The following BRCA2 variants were observed in gnomAD, a reference collection of about 807,000 sequenced individuals.
BRCA2 encodes the protein BRCA2 DNA repair associated.
In BRCA2, 203 loss-of-function variants were observed where a neutral mutation model predicts 276.7. That is an observed-to-expected ratio of 0.73 (90% CI 0.65 to 0.82). The LOEUF (loss-of-function observed/expected upper bound fraction) is 0.82. BRCA2 is among the 40% of genes least tolerant of loss of function. The pLI, the probability that BRCA2 is intolerant of heterozygous loss-of-function variation, is 0.00. For synonymous variants in BRCA2, 1,289 were observed against 1,338.4 expected (o/e 0.96, Z 0.81); for missense variants, 3,920 against 3,915.0 (o/e 1.00, Z -0.03).
In BRCA2 at chr13:32,398,462, C is replaced by T. The variant is rs777488349; in HGVS notation, c.9949C>T (p.Leu3317=). Residue 3317 remains leucine, a synonymous_variant, in exon 27 of 27, where the codon CTG becomes TTG. Transcript: ENST00000380152. ...CGAAACACCCATAAAGAAAAAAGAACTGAATTCTCCTCAGATGACTCCATT... is the reference window on the plus strand; with the variant it reads ...CGAAACACCCATAAAGAAAAAAGAATTGAATTCTCCTCAGATGACTCCATT... ...KYETPIKKKE[L]NSPQMTPFKK... is the part of the protein sequence containing the mutation. The T allele has an allele frequency of 1.1e-5, 17 of 1,614,032 alleles. No individual in the cohort carries two copies. In the African/African-American group the frequency reaches 2.0e-4, roughly 19 times the overall value.
intron 24 of BRCA2, among the ~76,000 whole-genome samples, chr13:32,386,573 C>T (rs2072962347): frequency 1.1e-5 from 1 of 93,312 alleles, no homozygotes; most frequent in South Asian, 3.4e-4. Flanking sequence ...TAAGAAAAAC[C>T]ATTTGTATGA....
intron 24 of BRCA2, among the ~76,000 whole-genome samples, chr13:32,383,215 C>T (rs1271874179): frequency 6.7e-6 from 1 of 148,206 alleles, no homozygotes; most frequent in African/African-American, 2.5e-5. Flanking sequence ...AAAAAATTAG[C>T]CGGGTGTGGT....
chr13:32,354,252 TGA>T lies in BRCA2; in HGVS notation c.7008-605_7008-604del, dbSNP rs2072671491. ...AGTTTCTGTAGAGTAGTGGGAGAAATGAGAGTTTATTGAGTAGAGATTGAGGA... is the reference window on the plus strand; with the variant it reads ...AGTTTCTGTAGAGTAGTGGGAGAAATGAGTTTATTGAGTAGAGATTGAGGA... On this transcript the variant is annotated intron_variant, in intron 13 of 26. Transcript: ENST00000380152. Among the ~76,000 whole-genome samples the T allele has an allele frequency of 2.0e-5, 3 of 152,126 alleles. No individual in the cohort carries two copies. In the South Asian group the frequency reaches 6.2e-4, roughly 32 times the overall value.
rs769883812 is a variant in BRCA2 at position 32,340,588 on chromosome 13, G to T, written c.6233G>T (p.Gly2078Val). The change falls in exon 11 of 27, where the codon GGA becomes GTA. Residue 2078 changes from glycine to valine, a missense_variant. By Grantham distance (109) the Gly-to-Val change is moderately radical. Coordinates refer to ENST00000380152, the MANE Select transcript of BRCA2 (RefSeq NM_000059.4). Reference protein sequence around the residue: ...ILESSLHKVKGVLEEFDLIRT... With the variant: ...ILESSLHKVKVVLEEFDLIRT... ...GAAAGTTCCTTACACAAAGTTAAGG[G>T]AGTGTTAGAGGAATTTGATTTAATC... The T allele has an allele frequency of 4.3e-6, 7 of 1,610,278 alleles. No homozygotes were observed. Among genetic ancestry groups the T allele is most frequent in the Non-Finnish European group, 5.9e-6 (7 of 1,178,070 alleles).
chr13:32,335,213 C>T (rs187640357), intron 10 of BRCA2, among the ~76,000 whole-genome samples: 199 of 152,126 alleles, frequency 1.3e-3, no homozygotes, highest in African/African-American at 4.7e-3. Context: ...GATGTGGTGG[C>T]ATGTGCCTGT....
At chr13:32,370,293 AGT>A in intron 18 of BRCA2, 107 bp from the exon 19 acceptor site, 1 of 1,090,894 alleles carries the variant, frequency 9.2e-7, no homozygotes, top group Non-Finnish European at 1.4e-6. Flanking sequence ...GACTTTTTAA[AGT>A]GAATATTTTT....
chr13:32,389,192 G>A (rs2072981074), intron 24 of BRCA2, among the ~76,000 whole-genome samples: 1 of 152,060 alleles, frequency 6.6e-6, no homozygotes, highest in Non-Finnish European at 1.5e-5. Context: ...TTTGATTTTG[G>A]AGGGAAAGGG....
Position 32,331,035 on chromosome 13 carries a change from G to A in BRCA2, c.793+5G>A, listed in dbSNP as rs779282053. Reference sequence around the variant, plus strand: ...AAAGAGAAGCTGCAAGTCATGGTAAGTCCTCTGTTTAGTTGAACTACAGGT... The same window carrying A: ...AAAGAGAAGCTGCAAGTCATGGTAAATCCTCTGTTTAGTTGAACTACAGGT... On this transcript the variant is annotated splice_donor_5th_base_variant and intron_variant, in intron 9 of 26. Transcript: ENST00000380152. The A allele has an allele frequency of 3.8e-6, 6 of 1,594,790 alleles. No homozygotes were observed. The highest frequency in any genetic ancestry group is 5.2e-6 in the Non-Finnish European group (6 of 1,163,020).
rs80358647 is a variant in BRCA2 at position 32,338,321 on chromosome 13, C to G, written c.3966C>G (p.Asn1322Lys). Residue 1322 changes from asparagine (N) to lysine (K), a missense_variant, in exon 11 of 27, where the codon AAC becomes AAG. By Grantham distance (94) the Asn-to-Lys change is moderately conservative. Around this residue, in one of 2 missense-constraint regions of BRCA2, gnomAD observed 3,263 missense variants for 3,156.9 expected, o/e 1.03. Transcript: ENST00000380152. ...NYKRNTENED[N>K]KYTAASRNSH... is the part of the protein sequence containing the mutation. ...AGAGAAATACTGAAAATGAAGATAACAAATATACTGCTGCCAGTAGAAATT... is the reference window on the plus strand; with the variant it reads ...AGAGAAATACTGAAAATGAAGATAAGAAATATACTGCTGCCAGTAGAAATT... 2.5e-6 allele frequency: 4 copies of G among 1,586,224 alleles called. No homozygotes were observed. In the Admixed American group the frequency reaches 7.4e-5, roughly 29 times the overall value.
At chr13:32,390,902 C>T (rs1417703386) in intron 24 of BRCA2, among the ~76,000 whole-genome samples, 2 of 152,162 alleles carry the variant, frequency 1.3e-5, no homozygotes, top group Non-Finnish European at 2.9e-5. Context: ...TCACACTGTT[C>T]ATTTGCTATT....
intron 21 of BRCA2, among the ~76,000 whole-genome samples, chr13:32,377,682 T>A (rs1593935663): frequency 6.6e-6 from 1 of 152,180 alleles, no homozygotes; most frequent in East Asian, 1.9e-4. Context: ...TAAATGTTAG[T>A]TACTATTATT....
intron 13 of BRCA2, among the ~76,000 whole-genome samples, chr13:32,349,137 G>A (rs2072630199): frequency 6.7e-6 from 1 of 149,016 alleles, no homozygotes; most frequent in South Asian, 2.1e-4. Flanking sequence ...CACAAGAACC[G>A]CTTGAACCTT....
chr13:32,390,535 ATCT>A (rs1032313934), intron 24 of BRCA2, among the ~76,000 whole-genome samples: 3 of 152,150 alleles, frequency 2.0e-5, no homozygotes. Flanking sequence ...ACCTTTAAAA[ATCT>A]TCTTTGTTTT....
chr13:32,344,247 T>G (rs552012560), intron 11 of BRCA2, among the ~76,000 whole-genome samples: 6 of 152,108 alleles, frequency 3.9e-5, no homozygotes, highest in Non-Finnish European at 8.8e-5. Flanking sequence ...TAGAGTTATA[T>G]TTAGTGTCAG....
At chr13:32,328,316 A>C (rs969282543) in intron 7 of BRCA2, among the ~76,000 whole-genome samples, 2 of 148,890 alleles carry the variant, frequency 1.3e-5, no homozygotes, top group African/African-American at 5.0e-5. Flanking sequence ...ATCTCGGCTC[A>C]CAGCAACCTC....
At chr13:32,328,877 T>C (rs376309405) in intron 7 of BRCA2, among the ~76,000 whole-genome samples, 1 of 150,482 alleles carries the variant, frequency 6.6e-6, no homozygotes, top group African/African-American at 2.4e-5. Context: ...AGTCATAAAG[T>C]GTGTGTGTGT....
rs754254199 is a variant in BRCA2, at chr13:32,398,566, T to C, written c.10053T>C (p.Ala3351=). 1 of 1,614,174 alleles carries C rather than the reference T, an allele frequency of 6.2e-7. No homozygotes were observed. The highest frequency in any genetic ancestry group is 1.7e-5 in the Admixed American group (1 of 60,018). The change falls in exon 27 of 27, where the codon GCT becomes GCC. Residue 3351 remains alanine, a synonymous_variant. Coordinates refer to ENST00000380152, the MANE Select transcript of BRCA2 (RefSeq NM_000059.4). ...AACTTGCATTGATAAATACCCAAGC[T>C]CTTTTGTCTGGTTCAACAGGAGAAA... is the stretch of plus-strand genomic sequence containing the variant. The part of the protein sequence containing the change: ...DEELALINTQ[A]LLSGSTGEKQ...
intron 4 of BRCA2, 99 bp from the exon 5 acceptor site, chr13:32,326,002 A>G (rs1028555625): frequency 5.5e-6 from 6 of 1,086,680 alleles, no homozygotes; most frequent in South Asian, 2.8e-5. Flanking sequence ...TAGTATTCCA[A>G]CAATTTATAT....
At chr13:32,356,646 CAG>C (rs2072700721) in intron 15 of BRCA2, 37 bp downstream of exon 15, 1 of 1,600,170 alleles carries the variant, frequency 6.2e-7, no homozygotes, top group African/African-American at 1.3e-5. Flanking sequence ...GCTTTTATGA[CAG>C]AGTGTAATTT....
Sources: gnomAD v4.1 joint callset for allele counts (sites outside exome capture counted in the v4.1 genomes callset) on GRCh38, gnomAD v4.1.1 for gene constraint, gnomAD v4.1.1 regional missense constraint, MANE v1.5 for transcripts, NCBI Gene and HGNC (gene_info 2026-07-23, HGNC 2026-07-21) for gene names.